Variants in VPS4A observed in about 807,000 individuals in gnomAD.
VPS4A encodes the protein vacuolar protein sorting 4 homolog A, also known as vacuolar protein sorting-associated protein 4A.
VPS4A carries 20 observed loss-of-function variants against 52.3 expected under a neutral mutation model. That is an observed-to-expected ratio of 0.38 (90% CI 0.27 to 0.56). The LOEUF is 0.56. VPS4A is among the 20% of genes least tolerant of loss of function. The pLI is 0.72. For missense variants in VPS4A, 419 were observed against 575.9 expected, an observed-to-expected ratio of 0.73 and a Z score of 2.79; for synonymous variants, 293 against 227.7, an observed-to-expected ratio of 1.29 and a Z score of -2.58.
chr16:69,311,575 C>A, intron 1 of VPS4A, 43 bp downstream of exon 1: 1 of 1,262,292 alleles, frequency 7.9e-7, no homozygotes, highest in South Asian at 3.0e-5. Flanking sequence ...CCGAAGGCAG[C>A]GGGGCCTGCG....
At position 69,325,583 on chromosome 16, in the gene VPS4A, A is replaced by G. The variant is rs1480942467; in HGVS notation, c.*1274A>G. The G allele has an allele frequency of 6.6e-6, 1 of 152,148 alleles. No individual in the cohort carries two copies. The highest frequency in any genetic ancestry group is 1.9e-4 in the East Asian group (1 of 5,198). The allele number at this position is 152,148 out of a possible 1,614,324, so 9.4% of individuals were successfully genotyped here. A position where few individuals can be genotyped will look rare whatever the true frequency, so the allele number is the denominator to read the frequency against. On this transcript the variant is annotated 3_prime_UTR_variant, in exon 11 of 11. Coordinates refer to ENST00000254950, the MANE Select transcript of VPS4A (RefSeq NM_013245.3). Reference sequence around the variant, plus strand: ...ACCCCGTCTCACTAAAAATAAAAAAATTAGCCGGGCGTGGTGGTGGGCGCC... The same window carrying G: ...ACCCCGTCTCACTAAAAATAAAAAAGTTAGCCGGGCGTGGTGGTGGGCGCC...
chr16:69,312,785 G>C (rs1017518812), intron 1 of VPS4A, among the ~76,000 whole-genome samples: 2 of 150,454 alleles, frequency 1.3e-5, no homozygotes, highest in Admixed American at 1.3e-4. Flanking sequence ...GCTAATTTTT[G>C]TATTTTTAGT....
chr16:69,311,727 AG>A (rs988288611), intron 1 of VPS4A, among the ~76,000 whole-genome samples, 195 bp downstream of exon 1: 3 of 151,988 alleles, frequency 2.0e-5, no homozygotes, highest in Admixed American at 2.0e-4. Context: ...CTCCACCCTC[AG>A]GCCTTCCGGC....
At chr16:69,323,386 G>C in intron 10 of VPS4A, 1 of 252,312 alleles carries the variant, frequency 4.0e-6, no homozygotes, top group Non-Finnish European at 8.0e-6. Context: ...CTGGGCTCAA[G>C]TGATCCTCTC....
chr16:69,321,410 G>C lies in VPS4A; in HGVS notation c.1071+140G>C, dbSNP rs1965510085. 2.2e-6 allele frequency: 2 copies of C among 890,216 alleles called. No individual in the cohort carries two copies. The highest frequency in any genetic ancestry group is 3.4e-6 in the Non-Finnish European group (2 of 589,476). 55.1% of individuals were successfully genotyped at this position (890,216 alleles called of 1,614,324 possible). A position where few individuals can be genotyped will look rare whatever the true frequency, so the allele number is the denominator to read the frequency against. The stretch of plus-strand genomic sequence containing the variant: ...AGGCCTCCTGGAGAGCCGAGGGCCA[G>C]TGCCATGGGGGCTGCACCCACTGTC... On this transcript the variant is annotated intron_variant, in intron 9 of 10. Transcript: ENST00000254950. This position sits in a 1 kb window ranked among gnomAD's most constrained non-coding sequence, Gnocchi z 4.5.
chr16:69,318,720 C>T lies in VPS4A; in HGVS notation c.343+9C>T. 6.2e-7 allele frequency: 1 copy of T among 1,613,642 alleles called. No individual in the cohort carries two copies. The highest frequency in any genetic ancestry group is 8.5e-7 in the Non-Finnish European group (1 of 1,179,776). ...GCAAGAACAGCTGATGGGTAAGTGG[C>T]TCGCGGCCCTGTGGCAGCGGCAGGG... On this transcript the variant is annotated intron_variant, in intron 4 of 10. Transcript: ENST00000254950.
In VPS4A at chr16:69,316,136, G is replaced by A. The variant is rs1965432939; in HGVS notation, c.133+17G>A. 6 of 1,613,112 alleles carry A rather than the reference G, an allele frequency of 3.7e-6. No individual in the cohort carries two copies. Among genetic ancestry groups the A allele is most frequent in the Non-Finnish European group, 5.1e-6 (6 of 1,179,726 alleles). On this transcript the variant is annotated intron_variant, in intron 2 of 10. Coordinates refer to ENST00000254950, the MANE Select transcript of VPS4A (RefSeq NM_013245.3). ...CTATCAAGTGTGAGTCACACGAGGG[G>A]TCCTCAGGCTGCCGCACTCCAGAGG...
intron 3 of VPS4A, among the ~76,000 whole-genome samples, chr16:69,317,280 T>C (rs1380307834): frequency 6.6e-6 from 1 of 152,136 alleles, no homozygotes; most frequent in Non-Finnish European, 1.5e-5. Flanking sequence ...GAGTTCCCTT[T>C]CGATTTCGGT....
intron 5 of VPS4A, 27 bp from the exon 6 acceptor site, chr16:69,319,360 C>T (rs774721021): frequency 7.4e-6 from 12 of 1,612,474 alleles, no homozygotes; most frequent in Non-Finnish European, 1.0e-5. Flanking sequence ...AGTCAGGAGG[C>T]CTAACTTCTG....
Position 69,320,289 on chromosome 16 carries a change from G to GGT in VPS4A, c.769+6_769+7dup. The GGT allele has an allele frequency of 1.2e-6, 2 of 1,613,002 alleles. No individual in the cohort carries two copies. Among genetic ancestry groups the GGT allele is most frequent in the Non-Finnish European group, 1.7e-6 (2 of 1,179,042 alleles). ...AACGGAGTTCTTGGTCCAGATGCAGGGTGTGTGCCGGGCCCAGGGCCCCCT... is the reference window on the plus strand; with the variant it reads ...AACGGAGTTCTTGGTCCAGATGCAGGGTGTGTGTGCCGGGCCCAGGGCCCCCT... On this transcript the variant is annotated frameshift_variant and splice_region_variant. Coordinates refer to ENST00000254950, the MANE Select transcript of VPS4A (RefSeq NM_013245.3). LOFTEE classifies it high-confidence loss of function. This position sits in a 1 kb window ranked among gnomAD's most constrained non-coding sequence, Gnocchi z 4.2.
At chr16:69,322,743 C>T in intron 10 of VPS4A, 43 bp downstream of exon 10, 1 of 1,571,108 alleles carries the variant, frequency 6.4e-7, no homozygotes, top group Non-Finnish European at 8.7e-7. Context: ...GCACAGAGCC[C>T]AGAAAATTGA....
rs73564405 is a variant in VPS4A at position 69,326,572 on chromosome 16, A to C, written c.*2263A>C. 630 of 152,340 alleles carry C rather than the reference A, an allele frequency of 4.1e-3. 2 individuals are homozygous for C. The highest frequency in any genetic ancestry group is 0.014 in the African/African-American group (594 of 41,568). The allele number at this position is 152,340 out of a possible 1,614,324, so 9.4% of individuals were successfully genotyped here. ...TGGCTATGGTCCATCCCTGTGCTCTAGTTAGAGCGTGAAGACACCTGACTT... is the reference window on the plus strand; with the variant it reads ...TGGCTATGGTCCATCCCTGTGCTCTCGTTAGAGCGTGAAGACACCTGACTT... On this transcript the variant is annotated 3_prime_UTR_variant, in exon 11 of 11. Coordinates refer to ENST00000254950, the MANE Select transcript of VPS4A (RefSeq NM_013245.3).
chr16:69,320,794 G>A lies in VPS4A; in HGVS notation c.851+25G>A, dbSNP rs750955162. 1.9e-6 allele frequency: 3 copies of A among 1,584,212 alleles called. No homozygotes were observed. The highest frequency in any genetic ancestry group is 2.3e-5 in the South Asian group (2 of 87,038). ...GGTGAGTCTTCCCCAGGAGAAGCCAGGGCTGGAGGCTTCCTCCCACCATGG... is the reference window on the plus strand; with the variant it reads ...GGTGAGTCTTCCCCAGGAGAAGCCAAGGCTGGAGGCTTCCTCCCACCATGG... On this transcript the variant is annotated intron_variant, in intron 8 of 10. Coordinates refer to ENST00000254950, the MANE Select transcript of VPS4A (RefSeq NM_013245.3). This position sits in a 1 kb window ranked among gnomAD's most constrained non-coding sequence, Gnocchi z 4.2.
chr16:69,319,115 G>C lies in VPS4A; in HGVS notation c.463+173G>C, dbSNP rs563906946. ...GCTGTGGCTGGAGCTATGAGATGAC[G>C]ATCACGTCACAGGGTGGGGGCAGGA... On this transcript the variant is annotated intron_variant, in intron 5 of 10. Transcript: ENST00000254950. Among the ~76,000 whole-genome samples the C allele has an allele frequency of 7.2e-5, 11 of 152,006 alleles. No homozygotes were observed. The East Asian group carries it at 2.1e-3, about 29-fold the overall frequency.
intron 1 of VPS4A, among the ~76,000 whole-genome samples, chr16:69,313,119 C>G (rs1050024580): frequency 6.6e-6 from 1 of 151,952 alleles, no homozygotes; most frequent in Non-Finnish European, 1.5e-5. Context: ...GCTGGGATTA[C>G]AGGCACCTCC....
chr16:69,319,797 C>T lies in VPS4A; in HGVS notation c.620+254C>T, dbSNP rs144230872. On this transcript the variant is annotated intron_variant, in intron 6 of 10. Transcript: ENST00000254950. ...GAGGATATTTTTGGGGTCTGGGTTGCGGTCCCTGTTGGGGCAGTGTGTGGG... is the reference window on the plus strand; with the variant it reads ...GAGGATATTTTTGGGGTCTGGGTTGTGGTCCCTGTTGGGGCAGTGTGTGGG... Among the ~76,000 whole-genome samples the T allele has an allele frequency of 5.9e-5, 9 of 152,264 alleles. No homozygotes were observed. In the East Asian group the frequency reaches 1.2e-3, roughly 20 times the overall value.
At position 69,321,160 on chromosome 16, in the gene VPS4A, G is replaced by A. The variant is rs865827898; in HGVS notation, c.961G>A (p.Glu321Lys). 6 of 1,581,706 alleles carry A rather than the reference G, an allele frequency of 3.8e-6. No homozygotes were observed. The highest frequency in any genetic ancestry group is 1.7e-4 in the Middle Eastern group (1 of 6,048). Residue 321 changes from glutamate (E) to lysine (K), a missense_variant, in exon 9 of 11, where the codon GAG becomes AAG. Glu to Lys is a moderately conservative substitution (Grantham distance 56, BLOSUM62 1). Coordinates refer to ENST00000254950, the MANE Select transcript of VPS4A (RefSeq NM_013245.3). This position sits in a 1 kb window ranked among gnomAD's most constrained non-coding sequence, Gnocchi z 4.5. ...CAACCTCACGGATGCAAACATCCAC[G>A]AGCTGGCCCGGAAGACGGAAGGCTA... ...PHNLTDANIH[E>K]LARKTEGYSG...
Position 69,323,944 on chromosome 16 carries a change from C to CAAA in VPS4A, c.1213-245_1213-243dup, listed in dbSNP as rs373024058. On this transcript the variant is annotated intron_variant, in intron 10 of 10. Transcript: ENST00000254950. ...CAGCCTGGGTGACAGACTCCGTCTC[C>CAAA]AAAAAAAAAAAAAAAAAAAAAGAAA... Among the ~76,000 whole-genome samples the CAAA allele has an allele frequency of 1.7e-4, 17 of 99,508 alleles. No homozygotes were observed. In the South Asian group the frequency reaches 1.9e-3, roughly 11 times the overall value. The allele number at this position is 99,508 out of a possible 152,430, so 65.3% of individuals were successfully genotyped here.
rs181753177 is a variant in VPS4A at position 69,322,375 on chromosome 16, T to C, written c.1072-185T>C. ...GACATCAAGGCATTGGGGCTACAGA[T>C]TGCCAGAGTCCCATGCAAATCATGA... is the stretch of plus-strand genomic sequence containing the variant. On this transcript the variant is annotated intron_variant, in intron 9 of 10. Transcript: ENST00000254950. The C allele has an allele frequency of 2.8e-3, 1,509 of 534,184 alleles. 34 individuals are homozygous for C. The East Asian group carries it at 0.037, about 13-fold the overall frequency. The allele number at this position is 534,184 out of a possible 1,614,324, so 33.1% of individuals were successfully genotyped here.
Sources: gnomAD v4.1 joint callset for allele counts (sites outside exome capture counted in the v4.1 genomes callset) on GRCh38, gnomAD v4.1.1 for gene constraint, Gnocchi (gnomAD v3.1) non-coding constraint, MANE v1.5 for transcripts, NCBI Gene and HGNC (gene_info 2026-07-23, HGNC 2026-07-21) for gene names.